The following CHODL variants were observed in gnomAD, a reference collection of about 807,000 sequenced individuals.
CHODL encodes chondrolectin, also known as transmembrane protein MT75.
A neutral mutation model predicts 34.5 loss-of-function variants in CHODL; 29 were observed. That is an observed-to-expected ratio of 0.84 (90% CI 0.63 to 1.15). CHODL has a LOEUF of 1.15. CHODL is among the 50% of genes most tolerant of loss of function. CHODL has a pLI of 0.00. For missense variants in CHODL, 332 were observed against 332.5 expected, an observed-to-expected ratio of 1.00 and a Z score of 0.01; for synonymous variants, 125 against 116.1, an observed-to-expected ratio of 1.08 and a Z score of -0.49.
At position 17,987,184 on chromosome 21, in the gene CHODL, A is replaced by G. The variant is rs142671174; in HGVS notation, c.-144-40688A>G. 3.0e-3 allele frequency among the ~76,000 whole-genome samples: 453 copies of G among 152,278 alleles called. 2 individuals are homozygous for G. Among genetic ancestry groups the G allele is most frequent in the Middle Eastern group, 0.017 (5 of 294 alleles). ...AGATCTATTAATTTTTCTTCCCACT[A>G]GCCCAATCTCAGCCAACAGGAGGCA... On this transcript the variant is annotated intron_variant, in intron 1 of 6. Transcript: ENST00000400127.
rs1292811024 is a variant in CHODL at position 18,162,433 on chromosome 21, CTCTT to C, written c.-44-94072_-44-94069del. Among the ~76,000 whole-genome samples the C allele has an allele frequency of 2.6e-5, 4 of 151,518 alleles. No homozygotes were observed. The East Asian group carries it at 5.8e-4, about 22-fold the overall frequency. On this transcript the variant is annotated intron_variant, in intron 2 of 6. Coordinates refer to the CHODL transcript ENST00000400127. ...GTTTTCTCTCTCTCTCTCTCTCTCT[CTCTT>C]TCTCTTTCTCTCTCTCTCTCTGTGT...
chr21:17,966,428 G>C, intron 1 of CHODL, among the ~76,000 whole-genome samples: 1 of 152,264 alleles, frequency 6.6e-6, no homozygotes, highest in Middle Eastern at 3.4e-3. Flanking sequence ...AAGAAAAATT[G>C]TTTGCCTTGC....
intron 2 of CHODL, among the ~76,000 whole-genome samples, chr21:18,227,817 C>A (rs2073944422): frequency 6.6e-6 from 1 of 152,024 alleles, no homozygotes; most frequent in African/African-American, 2.4e-5. Flanking sequence ...TAAATCTCTG[C>A]AATACTTTGT....
intron 2 of CHODL, among the ~76,000 whole-genome samples, chr21:18,205,858 T>C (rs1441840525): frequency 6.6e-6 from 1 of 151,890 alleles, no homozygotes; most frequent in Admixed American, 6.6e-5. Context: ...TGCCTCAACG[T>C]CCCATGTAGC....
intron 1 of CHODL, among the ~76,000 whole-genome samples, chr21:17,932,667 G>A: frequency 6.6e-6 from 1 of 152,168 alleles, no homozygotes; most frequent in Non-Finnish European, 1.5e-5. Flanking sequence ...CAGCATGGAT[G>A]GATTTGGAGG....
rs376888923 is a variant in CHODL at position 17,989,847 on chromosome 21, G to A, written c.-144-38025G>A. Reference sequence around the variant, plus strand: ...CGTTGATTGAATGTCCCATTTCCGAGGAGTTAAACAAGAACTTGGATGTAA... The same window carrying A: ...CGTTGATTGAATGTCCCATTTCCGAAGAGTTAAACAAGAACTTGGATGTAA... On this transcript the variant is annotated intron_variant, in intron 1 of 6. Transcript: ENST00000400127. Among the ~76,000 whole-genome samples, 6 of 152,204 alleles carry A rather than the reference G, an allele frequency of 3.9e-5. 1 individual carries two copies. Among genetic ancestry groups the A allele is most frequent in the Admixed American group, 1.3e-4 (2 of 15,290 alleles).
intron 1 of CHODL, among the ~76,000 whole-genome samples, chr21:17,957,219 C>T (rs975689383): frequency 4.6e-5 from 7 of 152,158 alleles, no homozygotes; most frequent in Admixed American, 1.3e-4. Context: ...AAATGCTCCA[C>T]CTTGACCACC....
Position 18,266,144 on chromosome 21 carries a change from T to A in CHODL, c.*106T>A, listed in dbSNP as rs551649478. On this transcript the variant is annotated 3_prime_UTR_variant, in exon 6 of 6. Transcript: ENST00000299295. ...TTGAAATCACAAAGGATCTGCAAGA[T>A]GAACTGTAAGCTCCCCCTTGAGGCA... is the stretch of plus-strand genomic sequence containing the variant. 1 of 1,599,794 alleles carries A rather than the reference T, an allele frequency of 6.3e-7. No individual in the cohort carries two copies. Among genetic ancestry groups the A allele is most frequent in the Admixed American group, 1.7e-5 (1 of 57,742 alleles).
intron 2 of CHODL, among the ~76,000 whole-genome samples, chr21:18,035,881 G>A (rs1202956419): frequency 1.3e-5 from 2 of 151,850 alleles, no homozygotes; most frequent in Non-Finnish European, 2.9e-5. Flanking sequence ...ATGTCCTTAT[G>A]TACAAATCAT....
At chr21:18,193,737 A>AAAT (rs1458041769) in intron 2 of CHODL, among the ~76,000 whole-genome samples, 2 of 150,502 alleles carry the variant, frequency 1.3e-5, no homozygotes, top group Non-Finnish European at 1.5e-5. Flanking sequence ...ATAAATAAAT[A>AAAT]AATAAATAAA....
At chr21:18,003,148 C>A (rs891844712) in intron 1 of CHODL, among the ~76,000 whole-genome samples, 2 of 147,664 alleles carry the variant, frequency 1.4e-5, no homozygotes, top group Non-Finnish European at 3.0e-5. Context: ...AAAAAAAAAC[C>A]CAAGAGCCCT....
chr21:18,217,271 G>A (rs570590844), intron 2 of CHODL, among the ~76,000 whole-genome samples: 3 of 152,248 alleles, frequency 2.0e-5, no homozygotes, highest in Admixed American at 1.3e-4. Context: ...CTGAGACTGA[G>A]TAATTCATAT....
In CHODL at chr21:17,930,580, C is replaced by G. The variant is rs7277168; in HGVS notation, c.-145+13180C>G. ...CCACCCCTTCCTATCACAGCCAATA[C>G]CTGAACTGTGGGAATTTGAAGACAT... On this transcript the variant is annotated intron_variant, in intron 1 of 6. Coordinates refer to the CHODL transcript ENST00000400127. Among the ~76,000 whole-genome samples the G allele has an allele frequency of 1.0e-2, 1,517 of 152,320 alleles. 25 individuals are homozygous for G. The highest frequency in any genetic ancestry group is 0.035 in the African/African-American group (1,443 of 41,566).
chr21:18,026,171 C>T (rs541467850), intron 1 of CHODL, among the ~76,000 whole-genome samples: 4 of 152,256 alleles, frequency 2.6e-5, no homozygotes, highest in Admixed American at 6.5e-5. Context: ...ATAAATGAAT[C>T]GGTCAATGGA....
At chr21:18,128,174 G>C (rs113874090) in intron 2 of CHODL, among the ~76,000 whole-genome samples, 1 of 150,772 alleles carries the variant, frequency 6.6e-6, no homozygotes, top group Non-Finnish European at 1.5e-5. Context: ...GGTGGCGGGC[G>C]CCTGTAGTCC....
At chr21:18,165,070 G>C (rs955252245) in intron 2 of CHODL, among the ~76,000 whole-genome samples, 9 of 152,066 alleles carry the variant, frequency 5.9e-5, no homozygotes, top group Admixed American at 3.3e-4. Context: ...CATGGGGCTT[G>C]TCTTGTGCAT....
intron 2 of CHODL, among the ~76,000 whole-genome samples, chr21:18,181,959 A>G (rs961667035): frequency 2.0e-5 from 3 of 152,116 alleles, no homozygotes; most frequent in African/African-American, 4.8e-5. Flanking sequence ...TTTTTAATCC[A>G]TTCTTCAGCT....
intron 1 of CHODL, among the ~76,000 whole-genome samples, chr21:18,251,473 TTATTTATTTTA>T (rs2074239307): frequency 2.3e-4 from 1 of 4,414 alleles, no homozygotes; most frequent in African/African-American, 7.3e-4. Flanking sequence ...TTTATTTTAA[TTATTTATTTTA>T]ATATATAAAA....
chr21:17,945,203 C>T lies in CHODL; in HGVS notation c.-145+27803C>T, dbSNP rs570045221. The stretch of plus-strand genomic sequence containing the variant: ...CTCCAGCCTGGGCAATGGAGCGAGA[C>T]TCTGTTAAAAAAAAAAAAAAAATTA... On this transcript the variant is annotated intron_variant, in intron 1 of 6. Coordinates refer to the CHODL transcript ENST00000400127. Among the ~76,000 whole-genome samples, 16 of 85,750 alleles carry T rather than the reference C, an allele frequency of 1.9e-4. No homozygotes were observed. In the South Asian group the frequency reaches 6.0e-3, roughly 32 times the overall value. 56.3% of individuals were successfully genotyped at this position (85,750 alleles called of 152,430 possible).
Sources: allele counts gnomAD v4.1 joint callset (sites outside exome capture counted in the v4.1 genomes callset), GRCh38; gene constraint gnomAD v4.1.1; transcripts MANE v1.5; gene names NCBI Gene and HGNC (gene_info 2026-07-23, HGNC 2026-07-21).